Variants in NRG3 observed in about 807,000 individuals in gnomAD.
NRG3 encodes the protein pro-neuregulin-3, membrane-bound isoform.
Under a neutral mutation model 66.9 loss-of-function variants are expected in NRG3, and 31 were observed. The observed-to-expected ratio is 0.46, with a 90% CI of 0.35 to 0.63. The LOEUF (loss-of-function observed/expected upper bound fraction) is 0.63. Among genes scored for constraint, NRG3 ranks in the 20% least tolerant of loss-of-function variants. The pLI, the probability that NRG3 is intolerant of heterozygous loss-of-function variation, is 0.00. For missense variants in NRG3, 910 were observed against 878.9 expected, an observed-to-expected ratio of 1.04 and a Z score of -0.45; for synonymous variants, 393 against 359.4, an observed-to-expected ratio of 1.09 and a Z score of -1.06.
chr10:82,196,462 T>G lies in NRG3; in HGVS notation c.824-162277T>G, dbSNP rs142350424. 3.7e-4 allele frequency among the ~76,000 whole-genome samples: 57 copies of G among 152,312 alleles called. 1 individual carries two copies. The East Asian group carries it at 0.011, about 28-fold the overall frequency. Reference sequence around the variant, plus strand: ...GGCCTGAGAAATGCAAGAGCTGGGTTCAGGTCTCACTTTCAATGCCTGTGG... The same window carrying G: ...GGCCTGAGAAATGCAAGAGCTGGGTGCAGGTCTCACTTTCAATGCCTGTGG... On this transcript the variant is annotated intron_variant, in intron 1 of 8. Coordinates refer to ENST00000372141, the MANE Select transcript of NRG3 (RefSeq NM_001010848.4).
intron 2 of NRG3, among the ~76,000 whole-genome samples, chr10:82,670,337 G>A (rs1393614088): frequency 1.3e-5 from 2 of 152,018 alleles, no homozygotes; most frequent in Non-Finnish European, 2.9e-5. Flanking sequence ...CAACAAAAAT[G>A]TGCACAAATA....
intron 1 of NRG3, among the ~76,000 whole-genome samples, chr10:82,126,837 GC>G (rs2068477546): frequency 1.3e-5 from 2 of 152,006 alleles, no homozygotes; most frequent in Admixed American, 1.3e-4. Flanking sequence ...TAGACTACCA[GC>G]AGCAAAGGGA....
Position 82,305,865 on chromosome 10 carries a change from C to T in NRG3, c.824-52874C>T, listed in dbSNP as rs557890519. ...ATTTCTTTCATTTTCTAACTGACTG[C>T]TACTAAAATATAATTTTAAAGAATA... On this transcript the variant is annotated intron_variant, in intron 1 of 8. Coordinates refer to ENST00000372141, the MANE Select transcript of NRG3 (RefSeq NM_001010848.4). Among the ~76,000 whole-genome samples, 130 of 152,006 alleles carry T rather than the reference C, an allele frequency of 8.6e-4. 2 individuals are homozygous for T. Among genetic ancestry groups the T allele is most frequent in the Non-Finnish European group, 2.4e-4 (16 of 67,990 alleles).
At chr10:82,488,693 C>T (rs1469631254) in intron 2 of NRG3, among the ~76,000 whole-genome samples, 1 of 152,128 alleles carries the variant, frequency 6.6e-6, no homozygotes, top group Non-Finnish European at 1.5e-5. Flanking sequence ...GGGTTATTCA[C>T]TCCAACTCTG....
rs577030669 is a variant in NRG3, at chr10:82,452,082, T to C, written c.953+93214T>C. ...TGTGAGTGTCCCCAGATCTATGATATTTTGCAAAAGCTGAGTTGTTATCTT... is the reference window on the plus strand; with the variant it reads ...TGTGAGTGTCCCCAGATCTATGATACTTTGCAAAAGCTGAGTTGTTATCTT... On this transcript the variant is annotated intron_variant, in intron 2 of 8. Transcript: ENST00000372141. Among the ~76,000 whole-genome samples, 5 of 152,320 alleles carry C rather than the reference T, an allele frequency of 3.3e-5. No individual in the cohort carries two copies. The South Asian group carries it at 1.0e-3, about 32-fold the overall frequency.
At chr10:82,272,968 A>G (rs145508955) in intron 1 of NRG3, among the ~76,000 whole-genome samples, 1 of 152,138 alleles carries the variant, frequency 6.6e-6, no homozygotes, top group African/African-American at 2.4e-5. Context: ...CTCTGCATGT[A>G]TCATCTGGTT....
chr10:82,127,632 A>G (rs74860036), intron 1 of NRG3, among the ~76,000 whole-genome samples: 2,615 of 152,092 alleles, frequency 0.017, 88 homozygotes, highest in African/African-American at 0.059. Context: ...AGTAAACCTG[A>G]GTGGAAGTGT....
chr10:82,802,913 G>T (rs945439314), intron 3 of NRG3, among the ~76,000 whole-genome samples: 6 of 152,128 alleles, frequency 3.9e-5, no homozygotes, highest in Non-Finnish European at 5.9e-5. Flanking sequence ...GGGCTCAAAT[G>T]ATTCACCTGT....
intron 1 of NRG3, among the ~76,000 whole-genome samples, chr10:82,026,500 G>T (rs147251177): frequency 6.6e-6 from 1 of 152,056 alleles, no homozygotes; most frequent in Non-Finnish European, 1.5e-5. Context: ...TGTCTGCTTG[G>T]AAACTCAGAG....
intron 2 of NRG3, among the ~76,000 whole-genome samples, chr10:82,491,888 G>T (rs532725062): frequency 4.6e-5 from 7 of 152,194 alleles, no homozygotes; most frequent in Non-Finnish European, 1.0e-4. Context: ...TCTTTCTTTG[G>T]TTAGAAAAAT....
At chr10:82,128,150 G>A (rs986159332) in intron 1 of NRG3, among the ~76,000 whole-genome samples, 7 of 151,926 alleles carry the variant, frequency 4.6e-5, no homozygotes, top group Non-Finnish European at 7.4e-5. Context: ...AAGATAAAAT[G>A]TGTGCTGGGA....
At chr10:82,520,055 A>C (rs887666355) in intron 2 of NRG3, among the ~76,000 whole-genome samples, 90 of 151,598 alleles carry the variant, frequency 5.9e-4, no homozygotes, top group African/African-American at 2.1e-3. Flanking sequence ...ATGGTAGATC[A>C]TTTTTCCTGT....
chr10:82,029,433 T>C (rs1360333600), intron 1 of NRG3, among the ~76,000 whole-genome samples: 1 of 152,116 alleles, frequency 6.6e-6, no homozygotes, highest in Non-Finnish European at 1.5e-5. Context: ...ATACCTGTTA[T>C]ATTAATGGTT....
intron 2 of NRG3, among the ~76,000 whole-genome samples, chr10:82,623,372 A>G (rs1284111655): frequency 6.6e-6 from 1 of 152,118 alleles, no homozygotes; most frequent in Non-Finnish European, 1.5e-5. Flanking sequence ...TGTCTGAACT[A>G]CTTCTCCCAG....
chr10:81,944,255 G>C (rs1406798206), intron 1 of NRG3, among the ~76,000 whole-genome samples: 1 of 152,202 alleles, frequency 6.6e-6, no homozygotes, highest in Non-Finnish European at 1.5e-5. Flanking sequence ...TATACAAAGA[G>C]CAGCAGTGCA....
intron 1 of NRG3, among the ~76,000 whole-genome samples, chr10:82,164,451 T>C (rs551767646): frequency 6.6e-6 from 1 of 152,290 alleles, no homozygotes; most frequent in East Asian, 1.9e-4. Context: ...ACATTAGAAC[T>C]CCTTCCATCT....
chr10:82,254,132 A>G (rs1259973218), intron 1 of NRG3, among the ~76,000 whole-genome samples: 1 of 152,202 alleles, frequency 6.6e-6, no homozygotes, highest in Non-Finnish European at 1.5e-5. Flanking sequence ...AACCATTTTT[A>G]GAATATTTAC....
rs539851747 is a variant in NRG3, at chr10:82,710,068, T to G, written c.954-28509T>G. 5.3e-5 allele frequency among the ~76,000 whole-genome samples: 8 copies of G among 152,358 alleles called. No homozygotes were observed. The South Asian group carries it at 1.4e-3, about 28-fold the overall frequency. On this transcript the variant is annotated intron_variant, in intron 2 of 8. Coordinates refer to ENST00000372141, the MANE Select transcript of NRG3 (RefSeq NM_001010848.4). ...ACAACCTATATTTATTTACACATAC[T>G]GATTTTATGGCCATTTTGGCTGCTT...
intron 1 of NRG3, among the ~76,000 whole-genome samples, chr10:82,323,074 A>G (rs1375161550): frequency 6.6e-6 from 1 of 152,156 alleles, no homozygotes; most frequent in Non-Finnish European, 1.5e-5. Flanking sequence ...ATAAAATAGG[A>G]ATTACTGTGG....
Sources: gnomAD v4.1 joint callset for allele counts (sites outside exome capture counted in the v4.1 genomes callset) on GRCh38, gnomAD v4.1.1 for gene constraint, MANE v1.5 for transcripts, NCBI Gene and HGNC (gene_info 2026-07-23, HGNC 2026-07-21) for gene names.